ITGA2B: variants seen among roughly 807,000 people sequenced by gnomAD.
The protein encoded by ITGA2B is integrin alpha-IIb.
ITGA2B carries 91 observed loss-of-function variants against 142.0 expected under a neutral mutation model. The ratio of observed to expected loss-of-function variants is 0.64; its 90% CI spans 0.54 to 0.76. The LOEUF (loss-of-function observed/expected upper bound fraction) is 0.76, where lower values mean the gene tolerates loss of function less well. Among genes scored for constraint, ITGA2B ranks in the 30% least tolerant of loss-of-function variants. ITGA2B has a pLI of 0.00. For synonymous variants in ITGA2B, 536 were observed against 567.2 expected, an observed-to-expected ratio of 0.94 and a Z score of 0.78; for missense variants, 1,231 against 1,350.8, an observed-to-expected ratio of 0.91 and a Z score of 1.39.
In ITGA2B at chr17:44,377,766, G is replaced by A; in HGVS notation, c.2119C>T (p.Gln707Ter). The change falls in exon 21 of 30, where the codon CAG (glutamine) becomes TAG (stop). Residue 707 changes from glutamine to a stop codon, truncating the protein, a stop_gained. Transcript: ENST00000262407. LOFTEE classifies it high-confidence loss of function. ...VEGFERLICNQKKENETRVVL... is the reference protein window; with the variant it reads ...VEGFERLICN Reference sequence around the variant, plus strand: ...ACCCTGGTCTCATTCTCCTTCTTCTGATTACAGATGAGTCTCTCAAAGCCC... The same window carrying A: ...ACCCTGGTCTCATTCTCCTTCTTCTAATTACAGATGAGTCTCTCAAAGCCC... The A allele has an allele frequency of 1.2e-6, 2 of 1,613,242 alleles. No individual in the cohort carries two copies. The highest frequency in any genetic ancestry group is 1.7e-6 in the Non-Finnish European group (2 of 1,179,552).
intron 23 of ITGA2B, 59 bp from the exon 24 acceptor site, chr17:44,376,243 C>T: frequency 3.1e-6 from 5 of 1,613,384 alleles, no homozygotes; most frequent in Middle Eastern, 1.6e-4. Flanking sequence ...TGTGAGGTTT[C>T]CCCAGCGCCC....
intron 18 of ITGA2B, among the ~76,000 whole-genome samples, chr17:44,379,417 A>T (rs375255357): frequency 8.0e-5 from 12 of 150,190 alleles, no homozygotes; most frequent in Admixed American, 4.0e-4. Context: ...CACCCGGCTA[A>T]TTTTTTTTGT....
rs1004404112 is a variant in ITGA2B, at chr17:44,380,131, C to G, written c.1623G>C (p.Leu541=). The change falls in exon 17 of 30, where the codon CTG becomes CTC. Residue 541 remains leucine, a synonymous_variant. Transcript: ENST00000262407. ...QKLSLNAELQ[L]DRQKPRQGRR... ...GGCCCTGGCGGGGCTTCTGCCGGTC[C>G]AGCTGCAGCTCGGCATTTAGGGCTG... is the stretch of plus-strand genomic sequence containing the variant. The G allele has an allele frequency of 6.2e-7, 1 of 1,613,818 alleles. No individual in the cohort carries two copies. The highest frequency in any genetic ancestry group is 1.3e-5 in the African/African-American group (1 of 74,986).
intron 26 of ITGA2B, chr17:44,375,327 C>T (rs1320143215): frequency 1.1e-5 from 7 of 640,724 alleles, no homozygotes; most frequent in Non-Finnish European, 1.9e-5. Flanking sequence ...TCCCCCAGCG[C>T]ACAATGCTCA....
chr17:44,384,600 G>A lies in ITGA2B; in HGVS notation c.800-15C>T, dbSNP rs770533843. 1.9e-6 allele frequency: 3 copies of A among 1,613,896 alleles called. No homozygotes were observed. The highest frequency in any genetic ancestry group is 2.2e-5 in the East Asian group (1 of 44,886). ...CACCGAGTACCCTGAGGACAAGGGC[G>A]CAAATTAGTCTTTTCCAGGGGAGGA... On this transcript the variant is annotated splice_polypyrimidine_tract_variant and intron_variant, in intron 7 of 29. Coordinates refer to ENST00000262407, the MANE Select transcript of ITGA2B (RefSeq NM_000419.5).
At position 44,376,065 on chromosome 17, in the gene ITGA2B, G is replaced by A; in HGVS notation, c.2448+20C>T. On this transcript the variant is annotated intron_variant, in intron 24 of 29. Transcript: ENST00000262407. ...TGAGGACCCGCTCACCCCAGCCAGG[G>A]ACGCGAGGCTCCCCAATACCTCATA... is the stretch of plus-strand genomic sequence containing the variant. 6.2e-7 allele frequency: 1 copy of A among 1,614,168 alleles called. No homozygotes were observed. The highest frequency in any genetic ancestry group is 8.5e-7 in the Non-Finnish European group (1 of 1,180,022).
At chr17:44,385,428 G>T (rs2048637509) in intron 4 of ITGA2B, 93 bp from the exon 5 acceptor site, 4 of 1,534,294 alleles carry the variant, frequency 2.6e-6, no homozygotes, top group Non-Finnish European at 3.5e-6. Context: ...GGGGCCTTGA[G>T]TCGGCGGGGC....
At chr17:44,376,750 T>C (rs931904430) in intron 22 of ITGA2B, among the ~76,000 whole-genome samples, 1 of 151,742 alleles carries the variant, frequency 6.6e-6, no homozygotes, top group Non-Finnish European at 1.5e-5. Flanking sequence ...GTAGCTGGGA[T>C]TGTAGGTGCG....
At chr17:44,387,519 A>T (rs1427086574) in intron 1 of ITGA2B, among the ~76,000 whole-genome samples, 1 of 150,442 alleles carries the variant, frequency 6.6e-6, no homozygotes, top group Admixed American at 6.6e-5. Flanking sequence ...GCGAAACTCC[A>T]TCTCAAAAAA....
At position 44,385,371 on chromosome 17, in the gene ITGA2B, T is replaced by C. The variant is rs778401815; in HGVS notation, c.575-36A>G. ...CAAGGAGGAGGGGTCAGCGCAGGGG[T>C]GAAGGGAGGCGCGCGCGAGCCCGGA... On this transcript the variant is annotated intron_variant, in intron 4 of 29. Transcript: ENST00000262407. 15 of 1,594,658 alleles carry C rather than the reference T, an allele frequency of 9.4e-6. 1 individual carries two copies. In the South Asian group the frequency reaches 1.4e-4, roughly 15 times the overall value.
At position 44,383,488 on chromosome 17, in the gene ITGA2B, C is replaced by T. The variant is rs2143475577; in HGVS notation, c.1210+5G>A. On this transcript the variant is annotated splice_donor_5th_base_variant and intron_variant, in intron 12 of 29. Transcript: ENST00000262407. ...GCAGCAAGTAGGGCTCCTCTCTTCC[C>T]TCACCATTGTAGCCATCCCGGTCGA... is the stretch of plus-strand genomic sequence containing the variant. The T allele has an allele frequency of 6.2e-7, 1 of 1,606,332 alleles. No homozygotes were observed. The highest frequency in any genetic ancestry group is 8.5e-7 in the Non-Finnish European group (1 of 1,179,018).
rs915544646 is a variant in ITGA2B at position 44,383,941 on chromosome 17, C to T, written c.951G>A (p.Ala317=). 2 of 1,613,918 alleles carry T rather than the reference C, an allele frequency of 1.2e-6. No homozygotes were observed. Among genetic ancestry groups the T allele is most frequent in the African/African-American group, 1.3e-5 (1 of 74,884 alleles). ...CAGCCACTGAATGCCCAAAATACGA[C>T]GCCATCTGCAAGATGAGGAGCACCA... ...RLHRLRGEQM[A]SYFGHSVAVT... Residue 317 remains alanine (A), a synonymous_variant, in exon 11 of 30, where the codon GCG becomes GCA. Transcript: ENST00000262407.
In ITGA2B at chr17:44,378,457, C is replaced by T. The variant is rs2048564503; in HGVS notation, c.1999G>A (p.Asp667Asn). 1 of 1,613,698 alleles carries T rather than the reference C, an allele frequency of 6.2e-7. No individual in the cohort carries two copies. The highest frequency in any genetic ancestry group is 8.5e-7 in the Non-Finnish European group (1 of 1,179,914). ...GCCCCCTCGCCCTCGTTGGCTGCGT[C>T]CATCTGCAGCTCCAGGACATTATCT... ...GADNVLELQM[D>N]AANEGEGAYE... Residue 667 changes from aspartate to asparagine, a missense_variant, in exon 20 of 30, where the codon GAC (aspartate) becomes AAC (asparagine). Asp to Asn is a conservative substitution (Grantham distance 23). Coordinates refer to ENST00000262407, the MANE Select transcript of ITGA2B (RefSeq NM_000419.5).
rs143186372 is a variant in ITGA2B at position 44,387,361 on chromosome 17, A to G, written c.189-1230T>C. Among the ~76,000 whole-genome samples, 42 of 152,010 alleles carry G rather than the reference A, an allele frequency of 2.8e-4. No homozygotes were observed. The East Asian group carries it at 8.1e-3, about 29-fold the overall frequency. ...AACATAGTGAAACCCTGTCTCTACT[A>G]AAAATACAAAAATTAGCCGGGCATG... On this transcript the variant is annotated intron_variant, in intron 1 of 29. Coordinates refer to ENST00000262407, the MANE Select transcript of ITGA2B (RefSeq NM_000419.5).
At chr17:44,381,872 C>T (rs1350466616) in intron 12 of ITGA2B, among the ~76,000 whole-genome samples, 1 of 151,732 alleles carries the variant, frequency 6.6e-6, no homozygotes, top group African/African-American at 2.4e-5. Context: ...CAGTGATCCT[C>T]CTGCCTCGGC....
chr17:44,375,768 A>G (rs1272953011), intron 25 of ITGA2B, 52 bp from the exon 26 acceptor site: 1 of 1,557,208 alleles, frequency 6.4e-7, no homozygotes, highest in Non-Finnish European at 8.7e-7. Flanking sequence ...ACCCCAGCCC[A>G]CAGAGGTGCC....
chr17:44,372,213 G>T lies in ITGA2B; in HGVS notation c.*151C>A, dbSNP rs917765427. 15 of 723,122 alleles carry T rather than the reference G, an allele frequency of 2.1e-5. No homozygotes were observed. The highest frequency in any genetic ancestry group is 1.6e-4 in the African/African-American group (9 of 56,744). The allele number at this position is 723,122 out of a possible 1,614,324, so 44.8% of individuals were successfully genotyped here. ...TCAGTCTCTTTATTAGGCAGCAGGAGGGGGGGTAGCCCAGCTCTGTTGGGA... is the reference window on the plus strand; with the variant it reads ...TCAGTCTCTTTATTAGGCAGCAGGATGGGGGGTAGCCCAGCTCTGTTGGGA... On this transcript the variant is annotated 3_prime_UTR_variant, in exon 30 of 30. Transcript: ENST00000262407.
chr17:44,374,848 C>T (rs926491467), intron 27 of ITGA2B, 88 bp from the exon 28 acceptor site: 10 of 1,335,146 alleles, frequency 7.5e-6, no homozygotes, highest in Non-Finnish European at 1.1e-5. Flanking sequence ...GGCGGGGAAG[C>T]CCTGCCTCTG....
In ITGA2B at chr17:44,385,188, C is replaced by T; in HGVS notation, c.646G>A (p.Ala216Thr). 1 of 1,614,036 alleles carries T rather than the reference C, an allele frequency of 6.2e-7. No individual in the cohort carries two copies. The highest frequency in any genetic ancestry group is 1.1e-5 in the South Asian group (1 of 91,084). The change falls in exon 6 of 30, where the codon GCT (alanine) becomes ACT (threonine). Residue 216 changes from alanine to threonine, a missense_variant. By Grantham distance (58) the Ala-to-Thr change is moderately conservative. Transcript: ENST00000262407. ...VTQAGELVLG[A>T]PGGYYFLGLL... ...CCTAAGAAATAATAGCCGCCAGGAG[C>T]CCCAAGCACCAGCTCTCCGGCCTGG...
Sources: allele counts gnomAD v4.1 joint callset (sites outside exome capture counted in the v4.1 genomes callset), GRCh38; gene constraint gnomAD v4.1.1; transcripts MANE v1.5; gene names NCBI Gene and HGNC (gene_info 2026-07-23, HGNC 2026-07-21).